The following CD177 variants were observed in gnomAD, a reference collection of about 807,000 sequenced individuals.
CD177 encodes CD177 molecule.
Under a neutral mutation model 38.1 loss-of-function variants are expected in CD177, and 41 were observed. The observed-to-expected ratio is 1.07, with a 90% CI of 0.84 to 1.39. The LOEUF is 1.39. CD177 is among the 40% of genes most tolerant of loss of function. CD177 has a pLI of 0.00. For synonymous variants in CD177, 236 were observed against 216.7 expected, an observed-to-expected ratio of 1.09 and a Z score of -0.78; for missense variants, 619 against 523.8, an observed-to-expected ratio of 1.18 and a Z score of -1.77.
rs1204523797 is a variant in CD177, at chr19:43,353,889, A to T, written c.89A>T (p.Gln30Leu). The change falls in exon 2 of 9, where the codon CAG becomes CTG. Residue 30 changes from glutamine (Q) to leucine (L), a missense_variant. Transcript: ENST00000618265. ...QALLCQFGTV[Q>L]HVWKVSDLPR... ...CTGCTCTGCCAGTTTGGGACAGTTCAGCATGTGTGGAAGGTGTCCGACCTG... is the reference window on the plus strand; with the variant it reads ...CTGCTCTGCCAGTTTGGGACAGTTCTGCATGTGTGGAAGGTGTCCGACCTG... 6.2e-7 allele frequency: 1 copy of T among 1,613,884 alleles called. No individual in the cohort carries two copies. The highest frequency in any genetic ancestry group is 1.3e-5 in the African/African-American group (1 of 74,992).
At chr19:43,355,939 G>A in intron 4 of CD177, 53 bp from the exon 5 acceptor site, 3 of 907,442 alleles carry the variant, frequency 3.3e-6, no homozygotes, top group Non-Finnish European at 5.3e-6. Flanking sequence ...TCTGAGGGTT[G>A]GGTGGTCCTG....
In CD177 at chr19:43,355,645, T is replaced by A; in HGVS notation, c.380-16T>A. 6.2e-7 allele frequency: 1 copy of A among 1,612,398 alleles called. No homozygotes were observed. Among genetic ancestry groups the A allele is most frequent in the Non-Finnish European group, 8.5e-7 (1 of 1,179,014 alleles). On this transcript the variant is annotated splice_polypyrimidine_tract_variant and intron_variant, in intron 3 of 8. Coordinates refer to ENST00000618265, the MANE Select transcript of CD177 (RefSeq NM_020406.4). ...GCCCTCTCAGTGCCCCCTCACTCTG[T>A]CTGTCACTTTCCTAGACCCAGGATC...
At chr19:43,354,179 C>T (rs1178340109) in intron 2 of CD177, 28 bp from the exon 3 acceptor site, 2 of 1,600,704 alleles carry the variant, frequency 1.2e-6, no homozygotes, top group Non-Finnish European at 1.7e-6. Flanking sequence ...TGACCTCCAT[C>T]CTCGCTTGCC....
chr19:43,361,990 T>G, intron 8 of CD177, 98 bp from the exon 9 acceptor site: 1 of 1,013,934 alleles, frequency 9.9e-7, no homozygotes, highest in Non-Finnish European at 1.5e-6. Flanking sequence ...TCTGGGCTCC[T>G]CGGTCTGAGG....
At chr19:43,361,414 C>A (rs1330381288) in intron 7 of CD177, 31 bp from the exon 8 acceptor site, 1 of 1,595,620 alleles carries the variant, frequency 6.3e-7, no homozygotes, top group Non-Finnish European at 8.6e-7. Flanking sequence ...AGCACAAAGT[C>A]ATGTACCCCC....
In CD177 at chr19:43,360,344, G is replaced by A. The variant is rs115729962; in HGVS notation, c.699G>A (p.Ser233=). The A allele has an allele frequency of 2.3e-5, 37 of 1,611,856 alleles. No individual in the cohort carries two copies. Among genetic ancestry groups the A allele is most frequent in the East Asian group, 1.8e-4 (8 of 44,818 alleles). ...LAQEPTDWTT[S]NTEMCEVGQV... ...AAGAACCCACTGATTGGACCACATC[G>A]AATACCGAGATGTGCGAGGTGGGGC... The change falls in exon 6 of 9, where the codon TCG becomes TCA. Residue 233 remains serine, a synonymous_variant. Coordinates refer to ENST00000618265, the MANE Select transcript of CD177 (RefSeq NM_020406.4).
chr19:43,360,341 A>G lies in CD177; in HGVS notation c.696A>G (p.Thr232=), dbSNP rs745500449. 1.4e-5 allele frequency: 22 copies of G among 1,612,270 alleles called. No individual in the cohort carries two copies. The highest frequency in any genetic ancestry group is 1.7e-5 in the Non-Finnish European group (20 of 1,179,302). The part of the protein sequence containing the change: ...NLAQEPTDWT[T]SNTEMCEVGQ... ...CTCAAGAACCCACTGATTGGACCAC[A>G]TCGAATACCGAGATGTGCGAGGTGG... Residue 232 remains threonine (T), a synonymous_variant, in exon 6 of 9, where the codon ACA becomes ACG. Coordinates refer to ENST00000618265, the MANE Select transcript of CD177 (RefSeq NM_020406.4).
rs758288965 is a variant in CD177, at chr19:43,362,283, C to CT, written c.1277_1278insT (p.Ala427SerfsTer32). On this transcript the variant is annotated frameshift_variant, in exon 9 of 9. Transcript: ENST00000618265. LOFTEE classifies it low-confidence loss of function (END_TRUNC). ...TGGGGGGTGGGGCTGGCACTGGCCC[C>CT]AGCGCTGTGGTGGGGAGTGGTTTGC... 7.2e-5 allele frequency: 114 copies of CT among 1,592,824 alleles called. 2 individuals carry two copies. In the Admixed American group the frequency reaches 1.9e-3, roughly 26 times the overall value.
Position 43,354,062 on chromosome 19 carries a change from C to T in CD177, c.193+69C>T, listed in dbSNP as rs1179627864. The T allele has an allele frequency of 1.6e-5, 26 of 1,577,340 alleles. No homozygotes were observed. In the Admixed American group the frequency reaches 2.1e-4, roughly 13 times the overall value. On this transcript the variant is annotated intron_variant, in intron 2 of 8. Transcript: ENST00000618265. ...GTCCCTTGATCCCTGTGCAGGGACCCGGGAGCCACCCCTCCGGGGGATCGA... is the reference window on the plus strand; with the variant it reads ...GTCCCTTGATCCCTGTGCAGGGACCTGGGAGCCACCCCTCCGGGGGATCGA...
At chr19:43,355,228 G>A (rs998326776) in intron 3 of CD177, among the ~76,000 whole-genome samples, 5 of 144,584 alleles carry the variant, frequency 3.5e-5, no homozygotes, top group South Asian at 2.3e-4. Context: ...ATTCTCCTGC[G>A]TCAGCCTCCC....
chr19:43,354,429 G>C (rs779522968), intron 3 of CD177, 37 bp downstream of exon 3: 2 of 1,603,914 alleles, frequency 1.2e-6, no homozygotes, highest in African/African-American at 2.7e-5. Context: ...GGGAGGGGCT[G>C]CTAGAAGGGG....
At chr19:43,361,760 G>A (rs1313547876) in intron 8 of CD177, among the ~76,000 whole-genome samples, 181 bp downstream of exon 8, 2 of 147,648 alleles carry the variant, frequency 1.4e-5, no homozygotes, top group African/African-American at 2.5e-5. Context: ...GGGAGGAGGC[G>A]CTGGGGGCCT....
chr19:43,366,012 G>A (rs905323310), downstream of CD177, among the ~76,000 whole-genome samples: 2 of 152,076 alleles, frequency 1.3e-5, no homozygotes, highest in South Asian at 2.1e-4. Flanking sequence ...GCTGCTTTCC[G>A]AATGGTCAGA....
chr19:43,363,943 A>G (rs1226508262), downstream of CD177, among the ~76,000 whole-genome samples: 3 of 152,120 alleles, frequency 2.0e-5, no homozygotes, highest in African/African-American at 7.2e-5. Context: ...ACAAAAAATA[A>G]GCCGGGTGTG....
intron 6 of CD177, 58 bp from the exon 7 acceptor site, chr19:43,361,085 G>A: frequency 1.4e-6 from 1 of 701,878 alleles, no homozygotes; most frequent in Non-Finnish European, 2.5e-6. Flanking sequence ...CAGCTCTGGA[G>A]CCCCTGCTGC....
chr19:43,365,311 T>C (rs1970018413), downstream of CD177, among the ~76,000 whole-genome samples: 1 of 128,604 alleles, frequency 7.8e-6, no homozygotes, highest in Admixed American at 7.9e-5. Flanking sequence ...CTCAGTCCAC[T>C]TGTGGTAAGG....
chr19:43,353,780 C>G lies in CD177; in HGVS notation c.52+14C>G. ...TCCCACTGCCAGGTGAGTGATGAGC[C>G]CAGCCTGGAGGAGATTCCCTGGAGG... On this transcript the variant is annotated intron_variant, in intron 1 of 8. Coordinates refer to ENST00000618265, the MANE Select transcript of CD177 (RefSeq NM_020406.4). The G allele has an allele frequency of 6.2e-7, 1 of 1,613,922 alleles. No individual in the cohort carries two copies. Among genetic ancestry groups the G allele is most frequent in the Non-Finnish European group, 8.5e-7 (1 of 1,179,860 alleles).
intron 3 of CD177, chr19:43,354,638 G>A: frequency 1.7e-6 from 1 of 595,190 alleles, no homozygotes; most frequent in Non-Finnish European, 3.0e-6. Context: ...TCTTCTAAGA[G>A]CAAACAGGAC....
intron 2 of CD177, 37 bp downstream of exon 2, chr19:43,354,030 C>T (rs1450503897): frequency 1.2e-6 from 2 of 1,600,178 alleles, no homozygotes; most frequent in Non-Finnish European, 1.7e-6. Context: ...CCCGCCCTGT[C>T]CCCTCAGTCC....
Sources: allele counts gnomAD v4.1 joint callset (sites outside exome capture counted in the v4.1 genomes callset), GRCh38; gene constraint gnomAD v4.1.1; transcripts MANE v1.5; gene names NCBI Gene and HGNC (gene_info 2026-07-23, HGNC 2026-07-21).